The following DRICH1 variants were observed in gnomAD, a reference collection of about 807,000 sequenced individuals.
The protein encoded by DRICH1 is aspartate rich 1.
In DRICH1, 38 loss-of-function variants were observed where a neutral mutation model predicts 39.5. That is an observed-to-expected ratio of 0.96 (90% CI 0.74 to 1.26). The LOEUF (loss-of-function observed/expected upper bound fraction) is 1.26, where lower values mean the gene tolerates loss of function less well. DRICH1 is among the 50% of genes most tolerant of loss of function. The pLI is 0.00. For synonymous variants in DRICH1, 84 were observed against 99.5 expected, an observed-to-expected ratio of 0.84 and a Z score of 0.93; for missense variants, 279 against 270.4, an observed-to-expected ratio of 1.03 and a Z score of -0.22.
chr22:23,582,668 C>T, the DRICH1 span, among the ~76,000 whole-genome samples: 212 of 152,060 alleles, frequency 1.4e-3, 3 homozygotes, highest in African/African-American at 4.6e-3. Context: ...CGGGTTCGAG[C>T]AATTCTCCTG....
rs751356649 is a variant in DRICH1 at position 23,622,179 on chromosome 22, G to C, written c.299-3C>G. 4.3e-6 allele frequency: 7 copies of C among 1,613,680 alleles called. No individual in the cohort carries two copies. Among genetic ancestry groups the C allele is most frequent in the Non-Finnish European group, 5.9e-6 (7 of 1,179,602 alleles). ...ACTCAGGTTGTCCTCAGAAGAACCT[G>C]GAAGGACACAGAGGAAAGATCCGTG... On this transcript the variant is annotated splice_polypyrimidine_tract_variant and splice_region_variant and intron_variant, in intron 3 of 11. Coordinates refer to ENST00000317749, the MANE Select transcript of DRICH1 (RefSeq NM_016449.4).
At chr22:23,606,928 TCTC>T (rs1469120510), downstream of DRICH1, 2 of 152,612 alleles carry the variant, frequency 1.3e-5, no homozygotes, top group African/African-American at 2.4e-5. Flanking sequence ...ACTTACAAGT[TCTC>T]CTGTCAAACC....
the DRICH1 span, among the ~76,000 whole-genome samples, chr22:23,597,794 G>A: frequency 4.6e-5 from 7 of 152,038 alleles, no homozygotes; most frequent in Admixed American, 1.3e-4. Context: ...GGCCTGGTGG[G>A]GGGCTGGGGC....
chr22:23,594,131 C>A, the DRICH1 span, among the ~76,000 whole-genome samples: 1 of 152,052 alleles, frequency 6.6e-6, no homozygotes, highest in Non-Finnish European at 1.5e-5. Flanking sequence ...AAAAACTATC[C>A]CAAATTGGAG....
chr22:23,631,962 G>A lies in DRICH1; in HGVS notation c.62C>T (p.Ala21Val), dbSNP rs770106881. ...ATCAGTATCAGATTCATAACAGGGT[G>A]CGTCCTTCCCCCTGGGCCAGCCACA... ...SHCGWPRGKD[A>V]PCYESDTDIY... The change falls in exon 1 of 12, where the codon GCA becomes GTA. Residue 21 changes from alanine to valine, a missense_variant. Physicochemically the swap from Ala to Val is moderately conservative, Grantham distance 64 (BLOSUM62 0). Transcript: ENST00000317749. 3.1e-6 allele frequency: 5 copies of A among 1,613,720 alleles called. 1 individual carries two copies. The highest frequency in any genetic ancestry group is 2.2e-5 in the South Asian group (2 of 91,058).
chr22:23,621,297 G>A (rs992274941), intron 4 of DRICH1, among the ~76,000 whole-genome samples: 9 of 151,886 alleles, frequency 5.9e-5, no homozygotes, highest in South Asian at 2.1e-4. Context: ...AAAATAGCTC[G>A]CTTTGTCTGT....
At chr22:23,589,089 G>GACACACACACAC in the DRICH1 span, among the ~76,000 whole-genome samples, 4 of 143,824 alleles carry the variant, frequency 2.8e-5, no homozygotes, top group African/African-American at 1.0e-4. Context: ...TCTCCCAGCT[G>GACACACACACAC]ACACACACAC....
At chr22:23,594,743 G>T in the DRICH1 span, among the ~76,000 whole-genome samples, 2 of 151,736 alleles carry the variant, frequency 1.3e-5, no homozygotes, top group African/African-American at 4.9e-5. Flanking sequence ...TTGATAAACA[G>T]GATCTATTCC....
chr22:23,587,598 C>T, the DRICH1 span, among the ~76,000 whole-genome samples: 5 of 152,160 alleles, frequency 3.3e-5, no homozygotes, highest in African/African-American at 4.8e-5. Flanking sequence ...CTGACCACCA[C>T]CCTCCCCTCC....
chr22:23,617,859 CA>C (rs1326262871), intron 6 of DRICH1, among the ~76,000 whole-genome samples: 2 of 152,146 alleles, frequency 1.3e-5, no homozygotes, highest in East Asian at 3.9e-4. Flanking sequence ...CGCAGCAACA[CA>C]AAACAGTCAA....
intron 11 of DRICH1, chr22:23,610,338 G>C (rs1157518565): frequency 1.3e-5 from 2 of 152,246 alleles, no homozygotes; most frequent in African/African-American, 2.4e-5. Context: ...AGCCTTTAGG[G>C]AAGTGGGAGG....
intron 1 of DRICH1, among the ~76,000 whole-genome samples, chr22:23,629,017 C>A (rs1206165396): frequency 6.6e-6 from 1 of 151,476 alleles, no homozygotes; most frequent in Non-Finnish European, 1.5e-5. Flanking sequence ...TATTTCTCCT[C>A]CGCTCTTCTC....
intron 1 of DRICH1, among the ~76,000 whole-genome samples, chr22:23,627,687 T>G (rs1602351378): frequency 6.6e-6 from 1 of 152,098 alleles, no homozygotes; most frequent in African/African-American, 2.4e-5. Context: ...CTGCACAGCC[T>G]GTCTAGACAG....
rs1333962061 is a variant in DRICH1, at chr22:23,631,874, A to G, written c.150T>C (p.Asp50=). 1 of 1,612,882 alleles carries G rather than the reference A, an allele frequency of 6.2e-7. No individual in the cohort carries two copies. Among genetic ancestry groups the G allele is most frequent in the Non-Finnish European group, 8.5e-7 (1 of 1,180,026 alleles). Reference sequence around the variant, plus strand: ...GGTCTTGGCCCTCCGTGGCTCCCACATCCAGCTTGCCAGGCTCTACAGTAG... The same window carrying G: ...GGTCTTGGCCCTCCGTGGCTCCCACGTCCAGCTTGCCAGGCTCTACAGTAG... ...ESTTVEPGKL[D]VGATEGQDLQ... The change falls in exon 1 of 12, where the codon GAT becomes GAC. Residue 50 remains aspartate, a synonymous_variant. Coordinates refer to ENST00000317749, the MANE Select transcript of DRICH1 (RefSeq NM_016449.4).
chr22:23,629,160 T>A (rs1928246998), intron 1 of DRICH1, among the ~76,000 whole-genome samples: 1 of 151,988 alleles, frequency 6.6e-6, no homozygotes, highest in Non-Finnish European at 1.5e-5. Flanking sequence ...TGCCTCAACC[T>A]CCCGAGTAGC....
the DRICH1 span, among the ~76,000 whole-genome samples, chr22:23,602,851 GT>G: frequency 3.3e-5 from 5 of 151,958 alleles, no homozygotes; most frequent in African/African-American, 1.2e-4. Context: ...AAGTTTAAAT[GT>G]TTTAAAATGT....
At chr22:23,617,099 G>A (rs891737534) in intron 7 of DRICH1, among the ~76,000 whole-genome samples, 2 of 152,184 alleles carry the variant, frequency 1.3e-5, no homozygotes, top group Non-Finnish European at 2.9e-5. Flanking sequence ...AATGCACAAT[G>A]TCTAATCCAA....
chr22:23,603,843 A>T (rs573648516), downstream of DRICH1, among the ~76,000 whole-genome samples: 43 of 152,286 alleles, frequency 2.8e-4, 1 homozygote, highest in South Asian at 8.7e-3. Flanking sequence ...TATGAGCAAG[A>T]CGATGAGTGG....
At chr22:23,582,570 A>ATTATTAT in the DRICH1 span, among the ~76,000 whole-genome samples, 1 of 135,626 alleles carries the variant, frequency 7.4e-6, no homozygotes, top group South Asian at 2.3e-4. Flanking sequence ...TATTATTATT[A>ATTATTAT]TTATTATTAT....
Sources: allele counts gnomAD v4.1 joint callset (sites outside exome capture counted in the v4.1 genomes callset), GRCh38; gene constraint gnomAD v4.1.1; transcripts MANE v1.5; gene names NCBI Gene and HGNC (gene_info 2026-07-23, HGNC 2026-07-21).